CRYBG3: variants seen among roughly 807,000 people sequenced by gnomAD.
The protein encoded by CRYBG3 is very large A-kinase anchor protein.
A neutral mutation model predicts 244.2 loss-of-function variants in CRYBG3; 127 were observed. That is an observed-to-expected ratio of 0.52 (90% CI 0.45 to 0.60). The LOEUF is 0.60. Ranked by LOEUF, CRYBG3 falls within the 20% of genes least tolerant of loss-of-function variation. The pLI is 0.00. For synonymous variants in CRYBG3, 1,132 were observed against 1,195.8 expected (o/e 0.95, Z 1.10); for missense variants, 3,325 against 3,442.5 (o/e 0.97, Z 0.85).
chr3:97,847,885 C>T (rs993146570), intron 2 of CRYBG3, among the ~76,000 whole-genome samples: 2 of 152,128 alleles, frequency 1.3e-5, no homozygotes, highest in African/African-American at 4.8e-5. Flanking sequence ...TACTGCATAT[C>T]AATATCAGAT....
chr3:97,874,113 T>A lies in CRYBG3; in HGVS notation c.2919T>A (p.Ile973=). 1 of 1,535,330 alleles carries A rather than the reference T, an allele frequency of 6.5e-7. No homozygotes were observed. Among genetic ancestry groups the A allele is most frequent in the African/African-American group, 1.4e-5 (1 of 73,106 alleles). The change falls in exon 4 of 22, where the codon ATT becomes ATA. Residue 973 remains isoleucine, a synonymous_variant. Coordinates refer to ENST00000389622, the MANE Select transcript of CRYBG3 (RefSeq NM_153605.4). ...HTCVFHQSLD[I]CGTKKISGHS... ...GTGTGTTTCATCAATCTTTGGATAT[T>A]TGTGGGACTAAAAAGATTTCTGGTC...
intron 1 of CRYBG3, among the ~76,000 whole-genome samples, chr3:97,823,602 A>G (rs1444252853): frequency 6.6e-6 from 1 of 152,224 alleles, no homozygotes; most frequent in African/African-American, 2.4e-5. Context: ...AGTTACACAG[A>G]AGTTAAAAAT....
Position 97,915,725 on chromosome 3 carries a change from C to A in CRYBG3, c.8230C>A (p.Pro2744Thr), listed in dbSNP as rs1559742937. 1 of 1,611,380 alleles carries A rather than the reference C, an allele frequency of 6.2e-7. No homozygotes were observed. Among genetic ancestry groups the A allele is most frequent in the Non-Finnish European group, 8.5e-7 (1 of 1,178,048 alleles). ...CPASKVKSLK[P>T]IDYVFEEPSI... Reference sequence around the variant, plus strand: ...AGCATCTAAAGTCAAATCTCTCAAGCCCATTGACTATGTAAGTACTTTGCA... The same window carrying A: ...AGCATCTAAAGTCAAATCTCTCAAGACCATTGACTATGTAAGTACTTTGCA... The change falls in exon 17 of 22, where the codon CCC becomes ACC. Residue 2744 changes from proline (P) to threonine (T), a missense_variant. Physicochemically the swap from Pro to Thr is conservative, Grantham distance 38. Coordinates refer to ENST00000389622, the MANE Select transcript of CRYBG3 (RefSeq NM_153605.4).
chr3:97,877,839 A>G lies in CRYBG3; in HGVS notation c.6645A>G (p.Glu2215=), dbSNP rs1268739757. The G allele has an allele frequency of 2.5e-6, 4 of 1,614,118 alleles. No individual in the cohort carries two copies. The highest frequency in any genetic ancestry group is 3.4e-6 in the Non-Finnish European group (4 of 1,180,002). ...ATCTGCAAGTTGGTCTGTGGCCAGA[A>G]AAGACCTCGTTTCTCCAGAAATCTG... ...TSNLQVGLWP[E]KTSFLQKSDL... is the part of the protein sequence containing the mutation. Residue 2215 remains glutamate, a synonymous_variant, in exon 4 of 22, where the codon GAA becomes GAG. Transcript: ENST00000389622.
chr3:97,879,088 A>G (rs2039416119), intron 4 of CRYBG3, among the ~76,000 whole-genome samples: 1 of 152,166 alleles, frequency 6.6e-6, no homozygotes, highest in African/African-American at 2.4e-5. Flanking sequence ...GGATTTGAAG[A>G]AATATTTCTT....
At chr3:97,935,016 A>G (rs1346836776) in intron 18 of CRYBG3, among the ~76,000 whole-genome samples, 1 of 151,982 alleles carries the variant, frequency 6.6e-6, no homozygotes, top group Non-Finnish European at 1.5e-5. Context: ...ACTATTCCAA[A>G]TTCTCTTTAA....
intron 1 of CRYBG3, chr3:97,836,917 T>C (rs1290185033): frequency 6.6e-6 from 1 of 152,210 alleles, no homozygotes; most frequent in African/African-American, 2.4e-5. Context: ...CTACCTGTTT[T>C]TTTTCCCACT....
intron 7 of CRYBG3, among the ~76,000 whole-genome samples, chr3:97,886,368 G>A (rs984775397): frequency 2.0e-5 from 3 of 151,908 alleles, no homozygotes; most frequent in Non-Finnish European, 4.4e-5. Flanking sequence ...ATTGCTTAAT[G>A]GAACGAATCT....
chr3:97,865,974 C>CA (rs1301539695), intron 3 of CRYBG3, among the ~76,000 whole-genome samples: 6 of 152,094 alleles, frequency 3.9e-5, no homozygotes, highest in Admixed American at 2.0e-4. Context: ...ACAAAAATGA[C>CA]AGAGAATGCT....
At position 97,944,190 on chromosome 3, in the gene CRYBG3, C is replaced by CTCTT. The variant is rs2040298227; in HGVS notation, c.*878_*881dup. ...AGCATTTGAACCTTGACCTTACCATCTCTTTAAGTAAACGTGGAGTTGATT... is the reference window on the plus strand; with the variant it reads ...AGCATTTGAACCTTGACCTTACCATCTCTTTCTTTAAGTAAACGTGGAGTTGATT... On this transcript the variant is annotated 3_prime_UTR_variant, in exon 22 of 22. Transcript: ENST00000389622. 1.3e-5 allele frequency: 2 copies of CTCTT among 151,450 alleles called. No individual in the cohort carries two copies. The highest frequency in any genetic ancestry group is 2.4e-5 in the African/African-American group (1 of 41,258). 9.4% of individuals were successfully genotyped at this position (151,450 alleles called of 1,614,324 possible). A position where few individuals can be genotyped will look rare whatever the true frequency, so the allele number is the denominator to read the frequency against.
In CRYBG3 at chr3:97,874,098, T is replaced by C; in HGVS notation, c.2904T>C (p.His968=). 1.3e-6 allele frequency: 2 copies of C among 1,535,774 alleles called. 1 individual carries two copies. Among genetic ancestry groups the C allele is most frequent in the South Asian group, 2.4e-5 (2 of 83,900 alleles). ...QNCEAHTCVF[H]QSLDICGTKK... is the part of the protein sequence containing the mutation. Reference sequence around the variant, plus strand: ...GTGAAGCTCACACTTGTGTGTTTCATCAATCTTTGGATATTTGTGGGACTA... The same window carrying C: ...GTGAAGCTCACACTTGTGTGTTTCACCAATCTTTGGATATTTGTGGGACTA... Residue 968 remains histidine (H), a synonymous_variant, in exon 4 of 22, where the codon CAT becomes CAC. Coordinates refer to ENST00000389622, the MANE Select transcript of CRYBG3 (RefSeq NM_153605.4).
intron 3 of CRYBG3, among the ~76,000 whole-genome samples, chr3:97,865,943 T>C (rs1399174133): frequency 6.6e-6 from 1 of 152,084 alleles, no homozygotes; most frequent in African/African-American, 2.4e-5. Context: ...TAAATTTAAA[T>C]GGAAAATGAG....
intron 9 of CRYBG3, 134 bp downstream of exon 9, chr3:97,888,589 G>T (rs1473608649): frequency 7.4e-6 from 5 of 673,828 alleles, no homozygotes; most frequent in Non-Finnish European, 1.1e-5. Context: ...CTATTGTACT[G>T]TAGTGCCTTC....
At chr3:97,925,821 G>A (rs1031163724) in intron 17 of CRYBG3, among the ~76,000 whole-genome samples, 1 of 151,790 alleles carries the variant, frequency 6.6e-6, no homozygotes, top group Admixed American at 6.6e-5. Flanking sequence ...GGTCATCTAT[G>A]TTATTCTTTT....
At chr3:97,840,168 G>C (rs1008674112) in intron 1 of CRYBG3, among the ~76,000 whole-genome samples, 1 of 152,008 alleles carries the variant, frequency 6.6e-6, no homozygotes. Context: ...AAAGTGATTT[G>C]TAGGAGTGTA....
chr3:97,904,818 A>ATGCTGG (rs1194048684), intron 15 of CRYBG3, among the ~76,000 whole-genome samples: 1 of 150,810 alleles, frequency 6.6e-6, no homozygotes, highest in Non-Finnish European at 1.5e-5. Flanking sequence ...TACATGTGCC[A>ATGCTGG]TGCTGGTGCA....
At chr3:97,881,369 C>A (rs1413069273) in intron 7 of CRYBG3, 150 bp downstream of exon 7, 6 of 538,940 alleles carry the variant, frequency 1.1e-5, no homozygotes, top group Non-Finnish European at 1.9e-5. Context: ...TGAATTTATG[C>A]AAATAGAGTG....
intron 12 of CRYBG3, among the ~76,000 whole-genome samples, chr3:97,896,381 A>G (rs2039640647): frequency 6.6e-6 from 1 of 152,162 alleles, no homozygotes; most frequent in South Asian, 2.1e-4. Flanking sequence ...GGTAAGGAAG[A>G]TAGCACTTAT....
At chr3:97,940,040 G>A (rs1423365273) in intron 19 of CRYBG3, among the ~76,000 whole-genome samples, 1 of 152,002 alleles carries the variant, frequency 6.6e-6, no homozygotes, top group Non-Finnish European at 1.5e-5. Flanking sequence ...GCATGAAAGT[G>A]CTCTCTTAAG....
Sources: allele counts gnomAD v4.1 joint callset (sites outside exome capture counted in the v4.1 genomes callset), GRCh38; gene constraint gnomAD v4.1.1; transcripts MANE v1.5; gene names NCBI Gene and HGNC (gene_info 2026-07-23, HGNC 2026-07-21).